The following SNTN variants were observed in gnomAD, a reference collection of about 807,000 sequenced individuals.
SNTN encodes sentan, cilia apical structure protein.
In SNTN, 13 loss-of-function variants were observed where a neutral mutation model predicts 12.3. That is an observed-to-expected ratio of 1.05 (90% CI 0.69 to 1.67). The LOEUF (loss-of-function observed/expected upper bound fraction) is 1.67, where lower values mean the gene tolerates loss of function less well. SNTN is among the 40% of genes most tolerant of loss of function. SNTN has a pLI of 0.00. For missense variants in SNTN, 189 were observed against 169.8 expected (o/e 1.11, Z -0.63); for synonymous variants, 69 against 58.5 (o/e 1.18, Z -0.82).
In SNTN at chr3:63,659,716, C is replaced by T; in HGVS notation, c.146-9C>T. 1 of 1,613,572 alleles carries T rather than the reference C, an allele frequency of 6.2e-7. No individual in the cohort carries two copies. Among genetic ancestry groups the T allele is most frequent in the South Asian group, 1.1e-5 (1 of 91,030 alleles). On this transcript the variant is annotated splice_polypyrimidine_tract_variant and intron_variant, in intron 2 of 3. Coordinates refer to ENST00000343837, the MANE Select transcript of SNTN (RefSeq NM_001080537.2). ...CAGGATACTTTATTCCACATTTCTT[C>T]TCTCCTAGCTCTGAGGAAGTGCTCA... is the stretch of plus-strand genomic sequence containing the variant.
chr3:63,653,687 T>C (rs995100976), intron 1 of SNTN, among the ~76,000 whole-genome samples: 3 of 152,210 alleles, frequency 2.0e-5, no homozygotes, highest in Non-Finnish European at 4.4e-5. Flanking sequence ...CAAACTTTGA[T>C]TTGCTGTTTA....
intron 2 of SNTN, 47 bp downstream of exon 2, chr3:63,654,843 T>C (rs1480727815): frequency 2.6e-6 from 4 of 1,560,878 alleles, no homozygotes; most frequent in East Asian, 2.3e-5. Context: ...TCTACCAAGA[T>C]GGCATGCCAA....
intron 2 of SNTN, among the ~76,000 whole-genome samples, chr3:63,658,409 T>TAC (rs1553656848): frequency 9.2e-6 from 1 of 108,254 alleles, no homozygotes; most frequent in East Asian, 2.3e-4. Flanking sequence ...TAAATATATA[T>TAC]ATATATATAT....
At chr3:63,658,038 T>G (rs1283022235) in intron 2 of SNTN, among the ~76,000 whole-genome samples, 1 of 152,092 alleles carries the variant, frequency 6.6e-6, no homozygotes, top group African/African-American at 2.4e-5. Context: ...AAATCCTGAT[T>G]CCTTTACACG....
chr3:63,659,915 A>T, intron 3 of SNTN, 51 bp downstream of exon 3: 1 of 1,602,216 alleles, frequency 6.2e-7, no homozygotes, highest in South Asian at 1.1e-5. Context: ...CTCATGGCTG[A>T]CCCAATGAGC....
intron 1 of SNTN, among the ~76,000 whole-genome samples, chr3:63,653,969 G>A (rs567331835): frequency 6.6e-6 from 1 of 152,222 alleles, no homozygotes; most frequent in Admixed American, 6.5e-5. Flanking sequence ...GCCACATCAG[G>A]CCTCAACACA....
chr3:63,658,630 T>C (rs1700709143), intron 2 of SNTN, among the ~76,000 whole-genome samples: 1 of 151,970 alleles, frequency 6.6e-6, no homozygotes, highest in Non-Finnish European at 1.5e-5. Context: ...CTCAAACTCC[T>C]GGCCTCTAGC....
intron 3 of SNTN, 36 bp downstream of exon 3, chr3:63,659,900 A>C: frequency 6.2e-7 from 1 of 1,612,226 alleles, no homozygotes; most frequent in Non-Finnish European, 8.5e-7. Context: ...AACAGAAACT[A>C]CACCCTCATG....
At chr3:63,655,347 A>G (rs191066785) in intron 2 of SNTN, among the ~76,000 whole-genome samples, 13 of 152,368 alleles carry the variant, frequency 8.5e-5, no homozygotes, top group Admixed American at 3.3e-4. Context: ...ATTCAAAAGT[A>G]TAAGGCTTCA....
At chr3:63,656,227 G>C (rs182890409) in intron 2 of SNTN, among the ~76,000 whole-genome samples, 2 of 152,302 alleles carry the variant, frequency 1.3e-5, no homozygotes, top group African/African-American at 4.8e-5. Context: ...CCACATTCCA[G>C]AGCAGGTGAG....
chr3:63,652,931 T>A, intron 1 of SNTN, 134 bp downstream of exon 1: 1 of 702,652 alleles, frequency 1.4e-6, no homozygotes, highest in South Asian at 2.0e-5. Flanking sequence ...AATCCGGCTT[T>A]AAATTGACTT....
chr3:63,657,382 T>C (rs1700691626), intron 2 of SNTN, among the ~76,000 whole-genome samples: 1 of 152,106 alleles, frequency 6.6e-6, no homozygotes, highest in Non-Finnish European at 1.5e-5. Flanking sequence ...CTTTACAATA[T>C]GCTTTCACAT....
intron 3 of SNTN, among the ~76,000 whole-genome samples, chr3:63,660,244 G>A (rs1546158): frequency 0.046 from 7,010 of 152,144 alleles, 513 homozygotes; most frequent in African/African-American, 0.16. Context: ...GAATGATGGC[G>A]TTCCAAGCAG....
At chr3:63,657,276 T>A (rs913774129) in intron 2 of SNTN, among the ~76,000 whole-genome samples, 2 of 152,158 alleles carry the variant, frequency 1.3e-5, no homozygotes, top group African/African-American at 2.4e-5. Context: ...CCTGGCTTAA[T>A]GTCTTTCCCT....
Position 63,659,846 on chromosome 3 carries a change from A to G in SNTN, c.267A>G (p.Gln89=). 1 of 1,614,016 alleles carries G rather than the reference A, an allele frequency of 6.2e-7. No individual in the cohort carries two copies. The highest frequency in any genetic ancestry group is 8.5e-7 in the Non-Finnish European group (1 of 1,179,920). ...TTGCCAAAGATCTGCTGCAAACCCA[A>G]TTTAGGAATTTCGCAGAGGTGAGAG... ...KAIAKDLLQT[Q]FRNFAEGQET... The change falls in exon 3 of 4, where the codon CAA becomes CAG. Residue 89 remains glutamine, a synonymous_variant. Coordinates refer to ENST00000343837, the MANE Select transcript of SNTN (RefSeq NM_001080537.2).
intron 2 of SNTN, among the ~76,000 whole-genome samples, 181 bp from the exon 3 acceptor site, chr3:63,659,544 C>A (rs1700718384): frequency 1.3e-5 from 2 of 151,986 alleles, no homozygotes; most frequent in South Asian, 2.1e-4. Context: ...TATTAAGGGA[C>A]CTTTGTTCTC....
Position 63,654,794 on chromosome 3 carries a change from A to C in SNTN, c.143A>C (p.Lys48Thr). Reference protein sequence around the residue: ...ISISKQLASVKALRKCSDLEK... With the variant: ...ISISKQLASVTALRKCSDLEK... ...ATATCCAAACAACTGGCTTCAGTGA[A>C]AGGTAAGGCACAGATGACGCAGATG... The change falls in exon 2 of 4, where the codon AAA (lysine) becomes ACA (threonine). Residue 48 changes from lysine (K) to threonine (T), a missense_variant and splice_region_variant. Transcript: ENST00000343837. 9 of 1,613,150 alleles carry C rather than the reference A, an allele frequency of 5.6e-6. No homozygotes were observed. The highest frequency in any genetic ancestry group is 7.6e-6 in the Non-Finnish European group (9 of 1,179,464).
chr3:63,659,847 T>G lies in SNTN; in HGVS notation c.268T>G (p.Phe90Val). ...AIAKDLLQTQ[F>V]RNFAEGQETK... The stretch of plus-strand genomic sequence containing the variant: ...TGCCAAAGATCTGCTGCAAACCCAA[T>G]TTAGGAATTTCGCAGAGGTGAGAGA... The change falls in exon 3 of 4, where the codon TTT becomes GTT. Residue 90 changes from phenylalanine (F) to valine (V), a missense_variant. Physicochemically the swap from Phe to Val is conservative, Grantham distance 50. Transcript: ENST00000343837. 6.2e-7 allele frequency: 1 copy of G among 1,613,804 alleles called. No individual in the cohort carries two copies. Among genetic ancestry groups the G allele is most frequent in the Non-Finnish European group, 8.5e-7 (1 of 1,179,890 alleles).
intron 1 of SNTN, 101 bp from the exon 2 acceptor site, chr3:63,654,661 C>T: frequency 9.4e-7 from 1 of 1,066,734 alleles, no homozygotes; most frequent in Non-Finnish European, 1.4e-6. Context: ...GAATGTTTAC[C>T]AAAATAAACA....
Sources: gnomAD v4.1 joint callset for allele counts (sites outside exome capture counted in the v4.1 genomes callset) on GRCh38, gnomAD v4.1.1 for gene constraint, MANE v1.5 for transcripts, NCBI Gene and HGNC (gene_info 2026-07-23, HGNC 2026-07-21) for gene names.